Variants in SLC35F1 observed in about 807,000 individuals in gnomAD.
SLC35F1 encodes the protein chromosome 6 open reading frame 169.
In SLC35F1, 14 loss-of-function variants were observed where a neutral mutation model predicts 48.7. The observed-to-expected ratio is 0.29, with a 90% CI of 0.19 to 0.45. The LOEUF (loss-of-function observed/expected upper bound fraction) is 0.45. Ranked by LOEUF, SLC35F1 falls within the 20% of genes least tolerant of loss-of-function variation. SLC35F1 has a pLI of 1.00. For synonymous variants in SLC35F1, 190 were observed against 202.2 expected (o/e 0.94, Z 0.51); for missense variants, 404 against 500.0 (o/e 0.81, Z 1.83).
chr6:117,997,447 A>G (rs897344576), intron 1 of SLC35F1, among the ~76,000 whole-genome samples: 46 of 152,092 alleles, frequency 3.0e-4, no homozygotes, highest in African/African-American at 1.1e-3. Flanking sequence ...CTCCTCGAGA[A>G]GAGCAACTCC....
intron 2 of SLC35F1, among the ~76,000 whole-genome samples, chr6:118,183,078 TAAG>T (rs1452730333): frequency 3.9e-5 from 6 of 152,198 alleles, no homozygotes; most frequent in Admixed American, 2.6e-4. Flanking sequence ...TGTTTCAAAG[TAAG>T]AAGAACTGTA....
chr6:118,270,050 A>C (rs1456154673), intron 4 of SLC35F1, among the ~76,000 whole-genome samples: 2 of 152,126 alleles, frequency 1.3e-5, no homozygotes, highest in Non-Finnish European at 2.9e-5. Context: ...GTAATAATAA[A>C]ATTATCACTG....
intron 3 of SLC35F1, among the ~76,000 whole-genome samples, chr6:118,261,088 G>A (rs1775706284): frequency 1.3e-5 from 2 of 152,202 alleles, no homozygotes; most frequent in Non-Finnish European, 2.9e-5. Flanking sequence ...ATATGGTTGT[G>A]ATAAATGCAA....
At chr6:117,997,921 A>G (rs1317553405) in intron 1 of SLC35F1, among the ~76,000 whole-genome samples, 2 of 152,148 alleles carry the variant, frequency 1.3e-5, no homozygotes, top group South Asian at 4.2e-4. Flanking sequence ...TTCACACACA[A>G]CAATATTAAC....
chr6:117,947,184 C>T (rs1776305549), intron 1 of SLC35F1, among the ~76,000 whole-genome samples: 1 of 152,116 alleles, frequency 6.6e-6, no homozygotes, highest in Admixed American at 6.6e-5. Flanking sequence ...ACTGGAAGGA[C>T]ATGAGGGAAC....
intron 2 of SLC35F1, among the ~76,000 whole-genome samples, chr6:118,207,084 C>T (rs1477452168): frequency 6.6e-6 from 1 of 151,946 alleles, no homozygotes. Flanking sequence ...AAGAGGTAGC[C>T]TTGAGGTAAA....
intron 1 of SLC35F1, chr6:117,999,325 G>T (rs927906756): frequency 6.3e-7 from 1 of 1,595,632 alleles, no homozygotes; most frequent in African/African-American, 1.3e-5. Flanking sequence ...AGGGGCTCAG[G>T]CTGTGCCGGC....
At chr6:118,280,321 C>T (rs1775966609) in intron 6 of SLC35F1, among the ~76,000 whole-genome samples, 1 of 152,118 alleles carries the variant, frequency 6.6e-6, no homozygotes, top group African/African-American at 2.4e-5. Flanking sequence ...TACTGTGGGT[C>T]ATACTGTGCT....
chr6:118,210,825 T>C (rs535845880), intron 2 of SLC35F1, among the ~76,000 whole-genome samples: 2 of 152,194 alleles, frequency 1.3e-5, no homozygotes, highest in Non-Finnish European at 2.9e-5. Flanking sequence ...CGTGGAGCCA[T>C]AGTCCAAGTG....
chr6:118,176,685 A>T (rs1774493562), intron 2 of SLC35F1, among the ~76,000 whole-genome samples: 1 of 152,156 alleles, frequency 6.6e-6, no homozygotes, highest in African/African-American at 2.4e-5. Context: ...TTTATGACAA[A>T]GCTAACGTAG....
chr6:118,195,377 T>C (rs1300866280), intron 2 of SLC35F1, among the ~76,000 whole-genome samples: 1 of 152,164 alleles, frequency 6.6e-6, no homozygotes, highest in Non-Finnish European at 1.5e-5. Context: ...GCCATTTCTG[T>C]AAGACTTTGC....
rs536012834 is a variant in SLC35F1 at position 118,265,032 on chromosome 6, C to T, written c.478-1963C>T. ...CCATCACAGTGCTACTTAGCATTCA[C>T]GTGGTCCTTCCTCACCTTATCATCT... On this transcript the variant is annotated intron_variant, in intron 3 of 7. Coordinates refer to ENST00000360388, the MANE Select transcript of SLC35F1 (RefSeq NM_001029858.4). 3.3e-5 allele frequency among the ~76,000 whole-genome samples: 5 copies of T among 152,350 alleles called. No individual in the cohort carries two copies. In the East Asian group the frequency reaches 5.8e-4, roughly 18 times the overall value.
intron 3 of SLC35F1, 89 bp downstream of exon 3, chr6:118,235,725 G>A (rs1775356169): frequency 7.3e-7 from 1 of 1,366,912 alleles, no homozygotes; most frequent in Non-Finnish European, 1.0e-6. Flanking sequence ...TATACTACAA[G>A]TTACTATCTG....
intron 2 of SLC35F1, among the ~76,000 whole-genome samples, chr6:118,229,134 C>T (rs1054275208): frequency 2.0e-5 from 3 of 152,014 alleles, no homozygotes; most frequent in African/African-American, 7.3e-5. Context: ...CATTTATTAG[C>T]CACTACCACC....
intron 1 of SLC35F1, among the ~76,000 whole-genome samples, chr6:118,055,508 T>C (rs1254513739): frequency 6.6e-6 from 1 of 152,164 alleles, no homozygotes; most frequent in Non-Finnish European, 1.5e-5. Context: ...GGCAAATTAT[T>C]TTGATTTTTC....
At chr6:118,285,954 C>T (rs1310937066) in intron 7 of SLC35F1, among the ~76,000 whole-genome samples, 1 of 152,192 alleles carries the variant, frequency 6.6e-6, no homozygotes, top group African/African-American at 2.4e-5. Flanking sequence ...ATGCAAAACT[C>T]TACCCGCATC....
chr6:118,101,023 A>G (rs1340804598), intron 1 of SLC35F1, among the ~76,000 whole-genome samples: 2 of 151,692 alleles, frequency 1.3e-5, no homozygotes, highest in African/African-American at 2.4e-5. Flanking sequence ...TTGTTATGCT[A>G]AAGCACAGAG....
chr6:118,017,373 G>C (rs1377748300), intron 1 of SLC35F1, among the ~76,000 whole-genome samples: 1 of 152,206 alleles, frequency 6.6e-6, no homozygotes, highest in Non-Finnish European at 1.5e-5. Context: ...TGAGTCCTAG[G>C]CAAGCCAAGG....
chr6:118,176,783 A>G (rs1182684913), intron 2 of SLC35F1, among the ~76,000 whole-genome samples: 1 of 151,962 alleles, frequency 6.6e-6, no homozygotes, highest in African/African-American at 2.4e-5. Flanking sequence ...GTTTAGTTGT[A>G]TTATACTTTA....
Sources: gnomAD v4.1 joint callset for allele counts (sites outside exome capture counted in the v4.1 genomes callset) on GRCh38, gnomAD v4.1.1 for gene constraint, MANE v1.5 for transcripts, NCBI Gene and HGNC (gene_info 2026-07-23, HGNC 2026-07-21) for gene names.